FGF13: variants seen among roughly 807,000 people sequenced by gnomAD.
FGF13 encodes the protein fibroblast growth factor 13, also known as fibroblast growth factor homologous factor 2.
FGF13 carries 2 observed loss-of-function variants against 19.5 expected under a neutral mutation model. That is an observed-to-expected ratio of 0.10 (90% CI 0.04 to 0.32). The LOEUF is 0.32. Ranked by LOEUF, FGF13 falls within the 10% of genes least tolerant of loss-of-function variation. FGF13 has a pLI of 1.00. For missense variants in FGF13, 113 were observed against 192.7 expected (o/e 0.59, Z 2.45); for synonymous variants, 72 against 76.9 (o/e 0.94, Z 0.33).
intron 1 of FGF13, among the ~76,000 whole-genome samples, chrX:138,961,272 A>G (rs754666407): frequency 9.0e-6 from 1 of 111,501 alleles, no homozygotes; most frequent in Admixed American, 9.5e-5. Flanking sequence ...CAGGACCCTC[A>G]GCTGTAGGTC....
At chrX:138,803,465 C>T (rs913134484) in intron 3 of FGF13, among the ~76,000 whole-genome samples, 1 of 111,842 alleles carries the variant, frequency 8.9e-6, no homozygotes, top group Non-Finnish European at 1.9e-5. Context: ...AAGTCCATTC[C>T]ATGGTATTCA....
intron 1 of FGF13, among the ~76,000 whole-genome samples, chrX:138,988,746 T>A (rs906508999): frequency 1.8e-5 from 2 of 111,833 alleles, no homozygotes; most frequent in Non-Finnish European, 3.8e-5. Context: ...TAAAATACAA[T>A]CAAAGAAAGC....
intron 1 of FGF13, among the ~76,000 whole-genome samples, chrX:139,101,265 C>A (rs965254702): frequency 8.9e-6 from 1 of 112,310 alleles, no homozygotes; most frequent in African/African-American, 3.2e-5. Context: ...AGTCTACTAT[C>A]CCTCCACAGA....
intron 1 of FGF13, among the ~76,000 whole-genome samples, chrX:138,907,119 G>A (rs976990597): frequency 2.7e-5 from 3 of 111,236 alleles, no homozygotes; most frequent in South Asian, 3.8e-4. Context: ...AGGAATTGTG[G>A]CCAGCCAGCA....
chrX:138,687,474 T>C (rs2089794809), intron 3 of FGF13, among the ~76,000 whole-genome samples: 1 of 111,834 alleles, frequency 8.9e-6, no homozygotes, highest in Non-Finnish European at 1.9e-5. Flanking sequence ...TCTGTTAAAA[T>C]GGCTAATATA....
intron 1 of FGF13, among the ~76,000 whole-genome samples, chrX:139,079,465 T>C (rs1473121793): frequency 9.0e-6 from 1 of 111,244 alleles, no homozygotes; most frequent in African/African-American, 3.3e-5. Flanking sequence ...GTCTTCAGAA[T>C]ATATATTATG....
intron 1 of FGF13, among the ~76,000 whole-genome samples, chrX:139,010,529 A>G (rs910647099): frequency 8.9e-6 from 1 of 112,176 alleles, no homozygotes; most frequent in Non-Finnish European, 1.9e-5. Context: ...TAACATGGAA[A>G]TTAAATAATC....
intron 1 of FGF13, among the ~76,000 whole-genome samples, chrX:138,993,347 T>C (rs2092027020): frequency 8.9e-6 from 1 of 112,013 alleles, no homozygotes; most frequent in Admixed American, 9.5e-5. Flanking sequence ...TAGAAGAAGT[T>C]AAAATGAGGG....
In FGF13 at chrX:139,025,737, G is replaced by A. The variant is rs141606683; in HGVS notation, c.-112-161087C>T. On this transcript the variant is annotated intron_variant, in intron 1 of 2. Transcript: ENST00000421460. ...CTTCTTCCCAGCACAACCTTTGGAA[G>A]GACTGGACTATTCACTAACAATCTT... Among the ~76,000 whole-genome samples the A allele has an allele frequency of 9.2e-3, 1,027 of 111,123 alleles. 10 individuals carry two copies. Among genetic ancestry groups the A allele is most frequent in the African/African-American group, 0.031 (953 of 30,563 alleles).
At chrX:139,014,901 G>T (rs756039567) in intron 1 of FGF13, among the ~76,000 whole-genome samples, 29 of 111,222 alleles carry the variant, frequency 2.6e-4, no homozygotes, top group Non-Finnish European at 4.7e-4. Flanking sequence ...AGGCATGCAA[G>T]GATGGTTGAA....
chrX:138,714,729 T>A (rs2090086107), upstream of FGF13: 1 of 111,727 alleles, frequency 9.0e-6, no homozygotes, highest in Non-Finnish European at 1.9e-5. Context: ...CCCAGGTGCT[T>A]AAAATTTCAG....
chrX:138,690,216 C>G (rs981501909), intron 3 of FGF13, among the ~76,000 whole-genome samples: 2 of 111,555 alleles, frequency 1.8e-5, no homozygotes, highest in African/African-American at 6.5e-5. Context: ...GCTCTTTCCT[C>G]ATCACTCATG....
rs1416553791 is a variant in FGF13 at position 139,071,603 on chromosome X, A to G, written c.-113+131813T>C. ...TACTTTATCAATAACACTGGTCCCC[A>G]TTGCTTCTTACAACTCACACTTTCT... On this transcript the variant is annotated intron_variant, in intron 1 of 2. Coordinates refer to the FGF13 transcript ENST00000421460. Among the ~76,000 whole-genome samples, 3 of 111,723 alleles carry G rather than the reference A, an allele frequency of 2.7e-5. No homozygotes were observed. In the South Asian group the frequency reaches 1.1e-3, roughly 41 times the overall value.
In FGF13 at chrX:138,629,325, T is replaced by A. The variant is rs1334044341; in HGVS notation, c.*3525A>T. The A allele has an allele frequency of 8.9e-6, 1 of 112,339 alleles. No individual in the cohort carries two copies. Among genetic ancestry groups the A allele is most frequent in the Non-Finnish European group, 1.9e-5 (1 of 53,297 alleles). 9.3% of individuals were successfully genotyped at this position (112,339 alleles called of 1,213,427 possible). Reference sequence around the variant, plus strand: ...GACTTTTCAGAAATTAATTTGCTAATGCACGCTAATCCTGAAGAAAGGAAT... The same window carrying A: ...GACTTTTCAGAAATTAATTTGCTAAAGCACGCTAATCCTGAAGAAAGGAAT... On this transcript the variant is annotated 3_prime_UTR_variant, in exon 5 of 5. Coordinates refer to ENST00000315930, the MANE Select transcript of FGF13 (RefSeq NM_004114.5).
At chrX:138,796,690 A>T (rs779184693) in intron 3 of FGF13, among the ~76,000 whole-genome samples, 1 of 110,733 alleles carries the variant, frequency 9.0e-6, no homozygotes, top group Admixed American at 9.5e-5. Context: ...TCCCACCAAC[A>T]GTGTATTTCT....
chrX:138,932,899 A>G (rs2091711619), intron 1 of FGF13, among the ~76,000 whole-genome samples: 1 of 110,742 alleles, frequency 9.0e-6, no homozygotes, highest in African/African-American at 3.3e-5. Flanking sequence ...TATCTCCTCC[A>G]GCCTAGAAGC....
intron 3 of FGF13, chrX:138,807,061 T>C (rs2090873942): frequency 9.0e-6 from 1 of 111,117 alleles, no homozygotes; most frequent in African/African-American, 3.3e-5. Context: ...AGACCACGAA[T>C]AGTCCCAAGG....
chrX:138,817,594 T>A (rs1332998855), intron 3 of FGF13, among the ~76,000 whole-genome samples: 1 of 111,735 alleles, frequency 8.9e-6, no homozygotes, highest in Non-Finnish European at 1.9e-5. Context: ...ATAGGGGCAA[T>A]ATGCAGAGAT....
At chrX:138,867,923 T>G (rs2091337806) in intron 1 of FGF13, among the ~76,000 whole-genome samples, 1 of 110,706 alleles carries the variant, frequency 9.0e-6, no homozygotes, top group African/African-American at 3.3e-5. Flanking sequence ...CACAAAAAAT[T>G]TTCAACCACT....
Sources: allele counts gnomAD v4.1 joint callset (sites outside exome capture counted in the v4.1 genomes callset), GRCh38; gene constraint gnomAD v4.1.1; transcripts MANE v1.5; gene names NCBI Gene and HGNC (gene_info 2026-07-23, HGNC 2026-07-21).